Variants in ANKS1B observed in about 807,000 individuals in gnomAD.
ANKS1B encodes the protein ankyrin repeat and sterile alpha motif domain containing 1B.
ANKS1B carries 36 observed loss-of-function variants against 148.3 expected under a neutral mutation model. The ratio of observed to expected loss-of-function variants is 0.24; its 90% CI spans 0.19 to 0.32. The LOEUF (loss-of-function observed/expected upper bound fraction) is 0.32, where lower values mean the gene tolerates loss of function less well. Among genes scored for constraint, ANKS1B ranks in the 10% least tolerant of loss-of-function variants. The pLI is 1.00. For missense variants in ANKS1B, 1,157 were observed against 1,542.6 expected (o/e 0.75, Z 4.19); for synonymous variants, 542 against 560.8 (o/e 0.97, Z 0.47).
chr12:98,890,615 C>G (rs1241917418), intron 17 of ANKS1B, among the ~76,000 whole-genome samples: 1 of 152,144 alleles, frequency 6.6e-6, no homozygotes, highest in Non-Finnish European at 1.5e-5. Context: ...ACAAAACATA[C>G]CACTTGTTGC....
At chr12:98,895,779 C>A (rs1363793240) in intron 17 of ANKS1B, among the ~76,000 whole-genome samples, 2 of 152,140 alleles carry the variant, frequency 1.3e-5, no homozygotes, top group Non-Finnish European at 2.9e-5. Flanking sequence ...TTTACTTTGG[C>A]AAAGGTTTTG....
intron 11 of ANKS1B, among the ~76,000 whole-genome samples, chr12:99,436,330 A>C (rs2095459979): frequency 6.6e-6 from 1 of 152,102 alleles, no homozygotes; most frequent in African/African-American, 2.4e-5. Context: ...CAGTAAAATA[A>C]GGAAAAATAT....
chr12:99,807,522 CA>C (rs1226606421), intron 3 of ANKS1B, among the ~76,000 whole-genome samples: 1 of 151,994 alleles, frequency 6.6e-6, no homozygotes, highest in Non-Finnish European at 1.5e-5. Flanking sequence ...GAAAAATGAA[CA>C]AGAAATTTTA....
At chr12:99,735,489 C>T (rs766051845) in intron 8 of ANKS1B, among the ~76,000 whole-genome samples, 5 of 152,000 alleles carry the variant, frequency 3.3e-5, no homozygotes, top group Non-Finnish European at 7.4e-5. Context: ...AACAGCTATA[C>T]ATAAACAAAC....
At chr12:99,879,737 C>T (rs2092359999) in intron 1 of ANKS1B, among the ~76,000 whole-genome samples, 1 of 152,118 alleles carries the variant, frequency 6.6e-6, no homozygotes, top group South Asian at 2.1e-4. Flanking sequence ...TGGAAAGTAC[C>T]TGTTGCTTTT....
At chr12:99,152,655 G>C (rs773797486) in intron 15 of ANKS1B, among the ~76,000 whole-genome samples, 4 of 152,086 alleles carry the variant, frequency 2.6e-5, no homozygotes. Context: ...AAGTCTTTCA[G>C]CTTGGCCAAA....
intron 26 of ANKS1B, among the ~76,000 whole-genome samples, chr12:98,749,299 G>A (rs1565992957): frequency 6.6e-6 from 1 of 151,786 alleles, no homozygotes; most frequent in Non-Finnish European, 1.5e-5. Context: ...AGTAGAGACG[G>A]GGTTTCACCG....
chr12:98,812,190 C>G (rs1475631228), intron 19 of ANKS1B, among the ~76,000 whole-genome samples: 1 of 152,186 alleles, frequency 6.6e-6, no homozygotes, highest in African/African-American at 2.4e-5. Context: ...AGGGGTCTCA[C>G]AAGACTACAA....
At chr12:99,098,713 T>C (rs1420749446) in intron 15 of ANKS1B, among the ~76,000 whole-genome samples, 1 of 143,142 alleles carries the variant, frequency 7.0e-6, no homozygotes, top group Non-Finnish European at 1.5e-5. Flanking sequence ...CTGGAAATAG[T>C]CTATTCTGAA....
chr12:99,640,933 T>G (rs1277295710), intron 9 of ANKS1B, among the ~76,000 whole-genome samples: 1 of 152,216 alleles, frequency 6.6e-6, no homozygotes, highest in East Asian at 1.9e-4. Context: ...AAATTAGATC[T>G]GCTTGTCATA....
At chr12:99,660,240 G>T (rs772436725) in intron 8 of ANKS1B, among the ~76,000 whole-genome samples, 56 of 152,096 alleles carry the variant, frequency 3.7e-4, no homozygotes, top group Non-Finnish European at 6.0e-4. Flanking sequence ...ACATTCAGTG[G>T]GTGTACTTCC....
At chr12:99,740,302 C>G (rs111501727) in intron 8 of ANKS1B, among the ~76,000 whole-genome samples, 4 of 149,204 alleles carry the variant, frequency 2.7e-5, no homozygotes, top group Admixed American at 1.4e-4. Context: ...AGAGGGAGAC[C>G]GTGTCTCAAA....
At chr12:99,593,026 T>C (rs959365469) in intron 9 of ANKS1B, among the ~76,000 whole-genome samples, 1 of 152,156 alleles carries the variant, frequency 6.6e-6, no homozygotes, top group Non-Finnish European at 1.5e-5. Flanking sequence ...AGTTTTATTA[T>C]GCAGATGAAG....
At chr12:98,993,651 C>A (rs1252199831) in intron 17 of ANKS1B, among the ~76,000 whole-genome samples, 1 of 151,990 alleles carries the variant, frequency 6.6e-6, no homozygotes, top group East Asian at 1.9e-4. Flanking sequence ...GAAAATACTC[C>A]AAAAAACAGT....
chr12:99,504,912 A>G (rs917046662), intron 9 of ANKS1B, among the ~76,000 whole-genome samples: 1 of 152,086 alleles, frequency 6.6e-6, no homozygotes, highest in African/African-American at 2.4e-5. Flanking sequence ...TAGTTGTGGC[A>G]TAAACTGCTG....
At chr12:99,890,552 T>C (rs1460540237) in intron 1 of ANKS1B, among the ~76,000 whole-genome samples, 2 of 151,222 alleles carry the variant, frequency 1.3e-5, no homozygotes, top group East Asian at 3.9e-4. Context: ...AATAAGTCTC[T>C]TTCTCACTCG....
intron 3 of ANKS1B, among the ~76,000 whole-genome samples, chr12:99,809,171 C>CT (rs2068016908): frequency 6.6e-6 from 1 of 152,010 alleles, no homozygotes; most frequent in South Asian, 2.1e-4. Flanking sequence ...TTAATTCCTT[C>CT]TTTTTTACCA....
At chr12:98,937,724 T>C (rs529407252) in intron 17 of ANKS1B, among the ~76,000 whole-genome samples, 1 of 152,266 alleles carries the variant, frequency 6.6e-6, no homozygotes, top group South Asian at 2.1e-4. Flanking sequence ...TACTAGTCTG[T>C]AGATCTCTGT....
At chr12:98,767,391 C>T (rs559562142) in intron 25 of ANKS1B, among the ~76,000 whole-genome samples, 1 of 152,270 alleles carries the variant, frequency 6.6e-6, no homozygotes, top group East Asian at 1.9e-4. Context: ...CAAGAAAGCA[C>T]AGGGAAGAGG....
Sources: allele counts gnomAD v4.1 joint callset (sites outside exome capture counted in the v4.1 genomes callset), GRCh38; gene constraint gnomAD v4.1.1; transcripts MANE v1.5; gene names NCBI Gene and HGNC (gene_info 2026-07-23, HGNC 2026-07-21).